KCNIP4: variants seen among roughly 807,000 people sequenced by gnomAD.
The protein encoded by KCNIP4 is Kv channel-interacting protein 4.
Under a neutral mutation model 34.0 loss-of-function variants are expected in KCNIP4, and 12 were observed. The observed-to-expected ratio is 0.35, with a 90% CI of 0.23 to 0.57. The LOEUF (loss-of-function observed/expected upper bound fraction) is 0.57, where lower values mean the gene tolerates loss of function less well. KCNIP4 is among the 20% of genes least tolerant of loss of function. KCNIP4 has a pLI of 0.83. For missense variants in KCNIP4, 238 were observed against 311.7 expected, an observed-to-expected ratio of 0.76 and a Z score of 1.78; for synonymous variants, 124 against 102.2, an observed-to-expected ratio of 1.21 and a Z score of -1.29.
At chr4:21,367,772 GA>G (rs1326401012) in intron 1 of KCNIP4, among the ~76,000 whole-genome samples, 1 of 147,356 alleles carries the variant, frequency 6.8e-6, no homozygotes, top group East Asian at 2.0e-4. Context: ...ACCTGTCAGG[GA>G]TTTTTTTTAA....
intron 1 of KCNIP4, among the ~76,000 whole-genome samples, chr4:21,514,328 G>T (rs1734580308): frequency 6.6e-6 from 1 of 152,164 alleles, no homozygotes; most frequent in South Asian, 2.1e-4. Context: ...GTTCAGTTCA[G>T]CAGAGAAAAG....
intron 1 of KCNIP4, among the ~76,000 whole-genome samples, chr4:21,416,868 C>G (rs1441918495): frequency 6.6e-6 from 1 of 152,154 alleles, no homozygotes; most frequent in African/African-American, 2.4e-5. Context: ...AGACAGAAGA[C>G]AGAATCACAT....
At chr4:21,308,258 T>C (rs1336486980) in intron 1 of KCNIP4, among the ~76,000 whole-genome samples, 1 of 152,178 alleles carries the variant, frequency 6.6e-6, no homozygotes, top group Non-Finnish European at 1.5e-5. Context: ...TTTGCTGGTC[T>C]TCAAAATGAG....
At chr4:21,131,975 T>C (rs1751104739) in intron 1 of KCNIP4, among the ~76,000 whole-genome samples, 1 of 152,182 alleles carries the variant, frequency 6.6e-6, no homozygotes, top group African/African-American at 2.4e-5. Context: ...TCAGTGTTAA[T>C]TTTTTCAGTC....
Position 21,234,201 on chromosome 4 carries a change from ATATATAACG to A in KCNIP4, c.62-351501_62-351493del, listed in dbSNP as rs1277892294. On this transcript the variant is annotated intron_variant, in intron 1 of 8. Coordinates refer to ENST00000382152, the MANE Select transcript of KCNIP4 (RefSeq NM_025221.6). ...ATATATAACGTATATTATATATAAC[ATATATAACG>A]TATATTATATATAACATATATAACA... Among the ~76,000 whole-genome samples, 89 of 84,012 alleles carry A rather than the reference ATATATAACG, an allele frequency of 1.1e-3. 2 individuals carry two copies. The highest frequency in any genetic ancestry group is 2.2e-3 in the South Asian group (8 of 3,656). The allele number at this position is 84,012 out of a possible 152,430, so 55.1% of individuals were successfully genotyped here.
At chr4:21,554,130 C>G (rs890876637) in intron 1 of KCNIP4, among the ~76,000 whole-genome samples, 1 of 152,080 alleles carries the variant, frequency 6.6e-6, no homozygotes, top group African/African-American at 2.4e-5. Context: ...AGACAGCAGT[C>G]AGTAAAGGCC....
intron 1 of KCNIP4, among the ~76,000 whole-genome samples, chr4:21,378,143 A>C (rs1010060330): frequency 3.3e-5 from 5 of 152,206 alleles, no homozygotes; most frequent in Non-Finnish European, 7.3e-5. Context: ...CCAGTCTCTC[A>C]GTCAATCATC....
intron 1 of KCNIP4, among the ~76,000 whole-genome samples, chr4:21,620,540 A>G (rs1473202668): frequency 6.6e-6 from 1 of 152,202 alleles, no homozygotes; most frequent in Non-Finnish European, 1.5e-5. Context: ...TACAGTAGGC[A>G]TAGAAAAATA....
chr4:20,799,174 G>A (rs1226107307), intron 3 of KCNIP4, among the ~76,000 whole-genome samples: 2 of 152,136 alleles, frequency 1.3e-5, no homozygotes, highest in East Asian at 3.9e-4. Context: ...GCCCATTCTA[G>A]TTGCTGGGGC....
chr4:20,878,117 C>T (rs1340652960), intron 2 of KCNIP4, among the ~76,000 whole-genome samples: 1 of 152,142 alleles, frequency 6.6e-6, no homozygotes, highest in East Asian at 1.9e-4. Context: ...AGTCAGAATT[C>T]TAGCTCTGCC....
At chr4:20,886,267 A>ATGCCCTGGCTCGCCCC (rs1385691017) in intron 1 of KCNIP4, among the ~76,000 whole-genome samples, 2 of 152,170 alleles carry the variant, frequency 1.3e-5, no homozygotes, top group Non-Finnish European at 2.9e-5. Context: ...TGCTTCACAA[A>ATGCCCTGGCTCGCCCC]TGCCCTGGCT....
Position 21,084,469 on chromosome 4 carries a change from G to A in KCNIP4, c.62-201760C>T, listed in dbSNP as rs145212510. On this transcript the variant is annotated intron_variant, in intron 1 of 8. Transcript: ENST00000382152. The stretch of plus-strand genomic sequence containing the variant: ...TATGATTCCTTTCTCCATGCCATTT[G>A]GAAAGTTAGAAGAAATCATATTAGG... Among the ~76,000 whole-genome samples the A allele has an allele frequency of 1.1e-3, 164 of 149,684 alleles. 5 individuals are homozygous for A. The highest frequency in any genetic ancestry group is 4.0e-3 in the African/African-American group (158 of 39,834).
intron 1 of KCNIP4, among the ~76,000 whole-genome samples, chr4:21,884,553 T>C (rs952854660): frequency 7.2e-5 from 11 of 152,026 alleles, no homozygotes; most frequent in African/African-American, 2.4e-5. Context: ...CCAATGGAGC[T>C]ACCATTGAGG....
In KCNIP4 at chr4:21,284,222, AAAAAG is replaced by A. The variant is rs1762962552; in HGVS notation, c.62-401518_62-401514del. Among the ~76,000 whole-genome samples the A allele has an allele frequency of 2.6e-5, 4 of 152,284 alleles. No individual in the cohort carries two copies. In the South Asian group the frequency reaches 6.2e-4, roughly 24 times the overall value. ...AGCGAGACTCCGTCTCAAAAAAAAA[AAAAAG>A]AAAAGAAATCTGCAATTTACTTTTT... On this transcript the variant is annotated intron_variant, in intron 1 of 8. Coordinates refer to ENST00000382152, the MANE Select transcript of KCNIP4 (RefSeq NM_025221.6).
chr4:20,926,897 TACAC>T (rs1729955210), intron 1 of KCNIP4, among the ~76,000 whole-genome samples: 24 of 152,260 alleles, frequency 1.6e-4, no homozygotes, highest in Admixed American at 1.6e-3. Context: ...AATAAATTTT[TACAC>T]CTCTCTAAAC....
intron 1 of KCNIP4, among the ~76,000 whole-genome samples, chr4:21,868,965 C>A (rs997361332): frequency 1.3e-5 from 2 of 152,154 alleles, no homozygotes; most frequent in African/African-American, 4.8e-5. Flanking sequence ...CTGGGAAAAC[C>A]AGTAGAAGTT....
intron 1 of KCNIP4, among the ~76,000 whole-genome samples, chr4:21,563,278 T>C (rs1739599762): frequency 6.6e-6 from 1 of 152,102 alleles, no homozygotes; most frequent in South Asian, 2.1e-4. Context: ...TTTTAAACTT[T>C]CTGTGTGTTT....
intron 1 of KCNIP4, among the ~76,000 whole-genome samples, chr4:21,001,810 G>A (rs1329753041): frequency 2.6e-5 from 4 of 152,134 alleles, no homozygotes; most frequent in Non-Finnish European, 4.4e-5. Flanking sequence ...ATTGGTGCTG[G>A]GATTGAATCT....
intron 1 of KCNIP4, among the ~76,000 whole-genome samples, chr4:21,426,377 C>G (rs1362028850): frequency 1.3e-5 from 2 of 152,106 alleles, no homozygotes. Context: ...GAATCGTATA[C>G]TTAAAATATA....
Sources: allele counts gnomAD v4.1 joint callset (sites outside exome capture counted in the v4.1 genomes callset), GRCh38; gene constraint gnomAD v4.1.1; transcripts MANE v1.5; gene names NCBI Gene and HGNC (gene_info 2026-07-23, HGNC 2026-07-21).